LIFR: variants seen among roughly 807,000 people sequenced by gnomAD.
LIFR encodes LIF receptor subunit alpha, also known as leukemia inhibitory factor receptor.
Under a neutral mutation model 122.2 loss-of-function variants are expected in LIFR, and 84 were observed. The observed-to-expected ratio is 0.69, with a 90% CI of 0.58 to 0.82. The LOEUF (loss-of-function observed/expected upper bound fraction) is 0.82, where lower values mean the gene tolerates loss of function less well. LIFR is among the 40% of genes least tolerant of loss of function. The pLI is 0.00. For synonymous variants in LIFR, 422 were observed against 434.7 expected, an observed-to-expected ratio of 0.97 and a Z score of 0.36; for missense variants, 1,294 against 1,311.6, an observed-to-expected ratio of 0.99 and a Z score of 0.21.
intron 1 of LIFR, among the ~76,000 whole-genome samples, chr5:38,569,930 T>C (rs1170596199): frequency 6.6e-6 from 1 of 152,172 alleles, no homozygotes; most frequent in African/African-American, 2.4e-5. Context: ...TATTCCCCCT[T>C]AGTTCTTTAC....
intron 10 of LIFR, among the ~76,000 whole-genome samples, chr5:38,503,082 T>G (rs897310743): frequency 6.6e-6 from 1 of 152,152 alleles, no homozygotes; most frequent in Admixed American, 6.5e-5. Flanking sequence ...TAAGTAATAA[T>G]GGTCAATTAA....
At chr5:38,496,358 T>C in intron 13 of LIFR, 24 bp downstream of exon 13, 2 of 1,543,842 alleles carry the variant, frequency 1.3e-6, no homozygotes, top group African/African-American at 1.4e-5. Context: ...CGTTCTTATA[T>C]ACTAAATCAT....
chr5:38,496,361 T>C (rs771933326), intron 13 of LIFR, 21 bp downstream of exon 13: 43 of 1,563,728 alleles, frequency 2.7e-5, no homozygotes, highest in Non-Finnish European at 4.4e-6. Flanking sequence ...TCTTATATAC[T>C]AAATCATCTC....
chr5:38,560,604 T>G (rs1203140018), upstream of LIFR, among the ~76,000 whole-genome samples: 1 of 146,244 alleles, frequency 6.8e-6, no homozygotes, highest in Non-Finnish European at 1.5e-5. Context: ...TGTTTTTTGT[T>G]TTTTTTTTTT....
chr5:38,555,896 C>T (rs1218017791), intron 1 of LIFR, among the ~76,000 whole-genome samples: 3 of 152,162 alleles, frequency 2.0e-5, no homozygotes, highest in Non-Finnish European at 4.4e-5. Flanking sequence ...TGGGTTTAAC[C>T]AGTACACCAC....
chr5:38,528,875 C>T (rs1561180181), intron 2 of LIFR, 35 bp from the exon 3 acceptor site: 27 of 471,886 alleles, frequency 5.7e-5, no homozygotes, highest in Non-Finnish European at 7.8e-5. Context: ...CACACACACA[C>T]ACAGACACAC....
intron 13 of LIFR, among the ~76,000 whole-genome samples, chr5:38,494,552 T>C (rs1401884000): frequency 6.6e-6 from 1 of 151,822 alleles, no homozygotes; most frequent in Non-Finnish European, 1.5e-5. Flanking sequence ...TTGGCCTAGG[T>C]AAGAAGTGGA....
At chr5:38,569,743 C>G (rs908374574) in intron 1 of LIFR, among the ~76,000 whole-genome samples, 3 of 152,164 alleles carry the variant, frequency 2.0e-5, no homozygotes, top group Non-Finnish European at 4.4e-5. Context: ...CGCACTGTTG[C>G]TTGAATCTGA....
intron 11 of LIFR, among the ~76,000 whole-genome samples, chr5:38,500,710 T>C (rs1048025673): frequency 6.6e-6 from 1 of 152,192 alleles, no homozygotes; most frequent in Admixed American, 6.5e-5. Flanking sequence ...AATAAGATGT[T>C]TCCTCTTGGA....
intron 1 of LIFR, among the ~76,000 whole-genome samples, chr5:38,564,515 T>G (rs1748941566): frequency 1.3e-5 from 2 of 151,784 alleles, no homozygotes; most frequent in Non-Finnish European, 1.5e-5. Context: ...CCACACCCAG[T>G]CCCCCATGAC....
intron 2 of LIFR, among the ~76,000 whole-genome samples, chr5:38,601,134 C>T (rs1008498275): frequency 1.3e-5 from 2 of 152,266 alleles, no homozygotes; most frequent in Admixed American, 1.3e-4. Flanking sequence ...TAGGATTAGA[C>T]GAGGTTACAA....
At chr5:38,546,209 A>C (rs992004102) in intron 1 of LIFR, among the ~76,000 whole-genome samples, 1 of 152,236 alleles carries the variant, frequency 6.6e-6, no homozygotes, top group Non-Finnish European at 1.5e-5. Flanking sequence ...CACAGTCATC[A>C]ATACATACTA....
intron 1 of LIFR, among the ~76,000 whole-genome samples, chr5:38,535,534 T>G (rs1171603345): frequency 1.3e-5 from 2 of 152,166 alleles, no homozygotes; most frequent in Non-Finnish European, 2.9e-5. Flanking sequence ...GCTGAGTGGC[T>G]AGGATAGAGA....
Position 38,481,455 on chromosome 5 carries a change from T to C in LIFR, c.*140A>G, listed in dbSNP as rs543255047. On this transcript the variant is annotated 3_prime_UTR_variant, in exon 20 of 20. Coordinates refer to ENST00000453190, the MANE Select transcript of LIFR (RefSeq NM_001127671.2). ...CTACATTAAAAGCACATGAACACTT[T>C]CAGTGTAACTTAACATGTAGTGAAG... The C allele has an allele frequency of 1.3e-5, 12 of 939,774 alleles. No homozygotes were observed. In the African/African-American group the frequency reaches 1.6e-4, roughly 13 times the overall value. 58.2% of individuals were successfully genotyped at this position (939,774 alleles called of 1,614,324 possible). A position where few individuals can be genotyped will look rare whatever the true frequency, so the allele number is the denominator to read the frequency against.
At chr5:38,506,737 AATTTACT>A (rs1425972436) in intron 7 of LIFR, 105 bp from the exon 8 acceptor site, 1 of 951,480 alleles carries the variant, frequency 1.1e-6, no homozygotes, top group Non-Finnish European at 1.6e-6. Context: ...AAAATGAAAT[AATTTACT>A]ATTTACATTT....
At chr5:38,587,927 GC>G (rs1749802525) in intron 1 of LIFR, among the ~76,000 whole-genome samples, 1 of 152,100 alleles carries the variant, frequency 6.6e-6, no homozygotes, top group Non-Finnish European at 1.5e-5. Flanking sequence ...GGATTCAAAG[GC>G]CCTGGCCTGG....
intron 1 of LIFR, among the ~76,000 whole-genome samples, chr5:38,589,494 T>C (rs377238793): frequency 1.3e-5 from 2 of 152,166 alleles, no homozygotes; most frequent in African/African-American, 4.8e-5. Flanking sequence ...TCAAGTGAAA[T>C]TGAATCCCAA....
chr5:38,498,879 T>G (rs190902958), intron 12 of LIFR, among the ~76,000 whole-genome samples: 2 of 152,344 alleles, frequency 1.3e-5, no homozygotes, highest in East Asian at 3.9e-4. Context: ...AAAGTTTTTT[T>G]AAATAAAATT....
At chr5:38,573,071 C>CA (rs1749267763) in intron 1 of LIFR, among the ~76,000 whole-genome samples, 1 of 152,222 alleles carries the variant, frequency 6.6e-6, no homozygotes, top group Admixed American at 6.5e-5. Flanking sequence ...TAGAAGGGAG[C>CA]AAAACCCTAG....
Sources: allele counts gnomAD v4.1 joint callset (sites outside exome capture counted in the v4.1 genomes callset), GRCh38; gene constraint gnomAD v4.1.1; transcripts MANE v1.5; gene names NCBI Gene and HGNC (gene_info 2026-07-23, HGNC 2026-07-21).